The following CEP295 variants were observed in gnomAD, a reference collection of about 807,000 sequenced individuals.
CEP295 encodes the protein centrosomal protein 295.
Under a neutral mutation model 291.6 loss-of-function variants are expected in CEP295, and 190 were observed. The ratio of observed to expected loss-of-function variants is 0.65; its 90% CI spans 0.58 to 0.73. The LOEUF is 0.73. Among genes scored for constraint, CEP295 ranks in the 30% least tolerant of loss-of-function variants. The probability of loss-of-function intolerance (pLI) is 0.00; values close to 1 mark genes in which losing one functional copy is unlikely to be tolerated. For missense variants in CEP295, 2,863 were observed against 2,949.4 expected (o/e 0.97, Z 0.68); for synonymous variants, 993 against 1,038.8 (o/e 0.96, Z 0.85).
chr11:93,694,380 C>T (rs1389295254), intron 12 of CEP295, among the ~76,000 whole-genome samples: 1 of 152,034 alleles, frequency 6.6e-6, no homozygotes, highest in Non-Finnish European at 1.5e-5. Flanking sequence ...ATTTATTTTT[C>T]CTTCTTTATA....
rs1319562929 is a variant in CEP295, at chr11:93,699,175, A to G, written c.4263A>G (p.Ser1421=). 1.3e-6 allele frequency: 2 copies of G among 1,551,836 alleles called. No individual in the cohort carries two copies. The highest frequency in any genetic ancestry group is 1.7e-6 in the Non-Finnish European group (2 of 1,147,048). ...CTGAAAGAAACCAAGAACCATGTTC[A>G]ATTAACAGTGATAATATAGTATCCT... The part of the protein sequence containing the change: ...NESERNQEPC[S]INSDNIVSSG... The change falls in exon 15 of 30, where the codon TCA becomes TCG. Residue 1421 remains serine, a synonymous_variant. Coordinates refer to ENST00000325212, the MANE Select transcript of CEP295 (RefSeq NM_033395.2).
At position 93,687,871 on chromosome 11, in the gene CEP295, T is replaced by C; in HGVS notation, c.1336+6T>C. 1 of 1,538,620 alleles carries C rather than the reference T, an allele frequency of 6.5e-7. No individual in the cohort carries two copies. ...ATCCTCTGGGCAGGAACAAGGTATT[T>C]CTCTCCAAGAGTCTCATTTTCTATA... On this transcript the variant is annotated splice_donor_region_variant and intron_variant, in intron 10 of 29. Coordinates refer to ENST00000325212, the MANE Select transcript of CEP295 (RefSeq NM_033395.2).
Position 93,667,854 on chromosome 11 carries a change from TA to T in CEP295, c.309+52del, listed in dbSNP as rs554809783. The T allele has an allele frequency of 2.2e-4, 284 of 1,264,672 alleles. 3 individuals carry two copies. The South Asian group carries it at 4.1e-3, about 18-fold the overall frequency. 78.3% of individuals were successfully genotyped at this position (1,264,672 alleles called of 1,614,324 possible). The stretch of plus-strand genomic sequence containing the variant: ...TACCCTGTTGTGGCAGTAATATTAG[TA>T]AAAAGTAAATTATAGTTGTTGAATG... On this transcript the variant is annotated intron_variant, in intron 3 of 29. Coordinates refer to ENST00000325212, the MANE Select transcript of CEP295 (RefSeq NM_033395.2).
chr11:93,727,727 T>A, intron 24 of CEP295, 90 bp downstream of exon 24: 3 of 1,044,094 alleles, frequency 2.9e-6, no homozygotes, highest in Non-Finnish European at 4.1e-6. Context: ...AAGTTCCCAC[T>A]ATGCTACCCA....
rs145368388 is a variant in CEP295, at chr11:93,713,835, T to G, written c.5749+6938T>G. Among the ~76,000 whole-genome samples, 4 of 152,310 alleles carry G rather than the reference T, an allele frequency of 2.6e-5. No individual in the cohort carries two copies. The East Asian group carries it at 7.7e-4, about 29-fold the overall frequency. ...AGCTATTTTCTAGATCTTGTAGGCATGCTTCATTCTTTTTAATTCTCTTAT... is the reference window on the plus strand; with the variant it reads ...AGCTATTTTCTAGATCTTGTAGGCAGGCTTCATTCTTTTTAATTCTCTTAT... On this transcript the variant is annotated intron_variant, in intron 18 of 29. Transcript: ENST00000325212.
intron 12 of CEP295, among the ~76,000 whole-genome samples, chr11:93,694,978 T>C (rs1371576545): frequency 6.6e-6 from 1 of 152,216 alleles, no homozygotes; most frequent in Non-Finnish European, 1.5e-5. Flanking sequence ...TTAGAGTTTA[T>C]GTGTTATCTT....
chr11:93,669,072 ATGT>A (rs1950315145), intron 4 of CEP295, 140 bp downstream of exon 4: 2 of 535,034 alleles, frequency 3.7e-6, no homozygotes, highest in Non-Finnish European at 3.3e-6. Flanking sequence ...TTTAAAAATA[ATGT>A]TGGGGACAGG....
At position 93,697,372 on chromosome 11, in the gene CEP295, C is replaced by T. The variant is rs1243961119; in HGVS notation, c.2460C>T (p.Ser820=). Reference sequence around the variant, plus strand: ...CAGCCATGAGCAAAAGTACAGTTTCCACAAGCCATTCTATAATCAGCCAAA... The same window carrying T: ...CAGCCATGAGCAAAAGTACAGTTTCTACAAGCCATTCTATAATCAGCCAAA... The part of the protein sequence containing the change: ...PFSAMSKSTV[S]TSHSIISQMH... Residue 820 remains serine, a synonymous_variant, in exon 15 of 30, where the codon TCC becomes TCT. Coordinates refer to ENST00000325212, the MANE Select transcript of CEP295 (RefSeq NM_033395.2). 5 of 1,551,852 alleles carry T rather than the reference C, an allele frequency of 3.2e-6. No individual in the cohort carries two copies. Among genetic ancestry groups the T allele is most frequent in the South Asian group, 2.4e-5 (2 of 84,056 alleles).
intron 4 of CEP295, 76 bp from the exon 5 acceptor site, chr11:93,669,601 C>T: frequency 1.1e-6 from 1 of 932,946 alleles, no homozygotes; most frequent in Non-Finnish European, 1.7e-6. Context: ...GAGCCTATGA[C>T]TTACATATTT....
Position 93,687,643 on chromosome 11 carries a change from G to T in CEP295, c.1115-1G>T, listed in dbSNP as rs1364982212. 2.7e-6 allele frequency: 4 copies of T among 1,472,454 alleles called. No individual in the cohort carries two copies. In the Admixed American group the frequency reaches 6.6e-5, roughly 24 times the overall value. The allele number at this position is 1,472,454 out of a possible 1,614,324, so 91.2% of individuals were successfully genotyped here. A position where few individuals can be genotyped will look rare whatever the true frequency, so the allele number is the denominator to read the frequency against. ...GTTTTTTCCCTTTTTCTTTCTTTTA[G>T]TTCCCTTGGTAATGAAGACCCAACA... On this transcript the variant is annotated splice_acceptor_variant, in intron 9 of 29. Transcript: ENST00000325212. LOFTEE classifies it high-confidence loss of function.
At chr11:93,669,557 A>C (rs1302791036) in intron 4 of CEP295, 120 bp from the exon 5 acceptor site, 3 of 612,338 alleles carry the variant, frequency 4.9e-6, no homozygotes, top group Non-Finnish European at 8.6e-6. Context: ...TGTAAAGCTT[A>C]CTGAGCCTGT....
At chr11:93,663,349 C>T (rs1590946194) in intron 1 of CEP295, among the ~76,000 whole-genome samples, 4 of 152,290 alleles carry the variant, frequency 2.6e-5, no homozygotes, top group African/African-American at 7.2e-5. Context: ...TAACTTTTAT[C>T]AGCTCCCTCC....
chr11:93,722,902 G>A, intron 20 of CEP295, 139 bp from the exon 21 acceptor site: 1 of 615,592 alleles, frequency 1.6e-6, no homozygotes, highest in Admixed American at 3.3e-5. Flanking sequence ...GTAGAGATGG[G>A]GTTTCACCAT....
At chr11:93,721,444 T>C in intron 19 of CEP295, 32 bp downstream of exon 19, 1 of 1,326,218 alleles carries the variant, frequency 7.5e-7, no homozygotes, top group Non-Finnish European at 1.1e-6. Context: ...ACTCGATTTT[T>C]AGAGCTGTTT....
chr11:93,724,861 C>T (rs1172789132), intron 22 of CEP295, among the ~76,000 whole-genome samples: 2 of 152,090 alleles, frequency 1.3e-5, no homozygotes, highest in African/African-American at 4.8e-5. Context: ...ACACCCTAGA[C>T]CAATTAAAGC....
Position 93,684,044 on chromosome 11 carries a change from G to T in CEP295, c.1030G>T (p.Asp344Tyr), listed in dbSNP as rs1312303448. 3 of 1,551,710 alleles carry T rather than the reference G, an allele frequency of 1.9e-6. No individual in the cohort carries two copies. Among genetic ancestry groups the T allele is most frequent in the Non-Finnish European group, 2.6e-6 (3 of 1,146,966 alleles). Residue 344 changes from aspartate to tyrosine, a missense_variant, in exon 9 of 30, where the codon GAC becomes TAC. Physicochemically the swap from Asp to Tyr is radical, Grantham distance 160. This residue lies in a region of CEP295 where 554 missense variants were observed against 576.0 expected (regional missense o/e 0.96). Transcript: ENST00000325212. ...VTNQIQDEEL[D>Y]LSMEQENLGA... ...TAATCAGATCCAAGATGAAGAGCTG[G>T]ACCTTTCAATGGAACAAGAAAATTT...
chr11:93,679,842 T>C (rs1950878636), intron 7 of CEP295, among the ~76,000 whole-genome samples: 1 of 152,264 alleles, frequency 6.6e-6, no homozygotes, highest in Non-Finnish European at 1.5e-5. Context: ...ATCACTTTCC[T>C]GATTATTTCA....
Position 93,695,497 on chromosome 11 carries a change from A to G in CEP295, c.1534A>G (p.Ile512Val). 6.9e-7 allele frequency: 1 copy of G among 1,444,932 alleles called. No individual in the cohort carries two copies. 89.5% of individuals were successfully genotyped at this position (1,444,932 alleles called of 1,614,324 possible). The change falls in exon 13 of 30, where the codon ATA (isoleucine) becomes GTA (valine). Residue 512 changes from isoleucine (I) to valine (V), a missense_variant and splice_region_variant. Physicochemically the swap from Ile to Val is conservative, Grantham distance 29. Around this residue, in one of 3 missense-constraint regions of CEP295, gnomAD observed 14 missense variants for 37.7 expected, o/e 0.37. Coordinates refer to ENST00000325212, the MANE Select transcript of CEP295 (RefSeq NM_033395.2). ...RIRMSARQKQ[I>V]MEIEEQKQKQ... is the part of the protein sequence containing the mutation. The stretch of plus-strand genomic sequence containing the variant: ...AGATCAATAGTATTTTGTTACCTAG[A>G]TAATGGAAATAGAAGAGCAGAAGCA...
Position 93,697,294 on chromosome 11 carries a change from T to C in CEP295, c.2382T>C (p.Ser794=), listed in dbSNP as rs764321607. 2 of 1,551,798 alleles carry C rather than the reference T, an allele frequency of 1.3e-6. No homozygotes were observed. Among genetic ancestry groups the C allele is most frequent in the Middle Eastern group, 1.7e-4 (1 of 5,994 alleles). The part of the protein sequence containing the change: ...SSFVPLVPQH[S]FSSLPVKVES... ...TTGTACCACTGGTACCTCAGCATTC[T>C]TTTAGTTCTCTGCCTGTTAAAGTTG... Residue 794 remains serine (S), a synonymous_variant, in exon 15 of 30, where the codon TCT becomes TCC. Coordinates refer to ENST00000325212, the MANE Select transcript of CEP295 (RefSeq NM_033395.2).
Sources: gnomAD v4.1 joint callset for allele counts (sites outside exome capture counted in the v4.1 genomes callset) on GRCh38, gnomAD v4.1.1 for gene constraint, gnomAD v4.1.1 regional missense constraint, MANE v1.5 for transcripts, NCBI Gene and HGNC (gene_info 2026-07-23, HGNC 2026-07-21) for gene names.